The following TMTC1 variants were observed in gnomAD, a reference collection of about 807,000 sequenced individuals.
TMTC1 encodes transmembrane O-mannosyltransferase targeting cadherins 1, also known as protein O-mannosyl-transferase TMTC1.
A neutral mutation model predicts 104.8 loss-of-function variants in TMTC1; 73 were observed. The ratio of observed to expected loss-of-function variants is 0.70; its 90% CI spans 0.58 to 0.85. The LOEUF (loss-of-function observed/expected upper bound fraction) is 0.85. TMTC1 is among the 40% of genes least tolerant of loss of function. The probability of loss-of-function intolerance (pLI) is 0.00; values close to 1 mark genes in which losing one functional copy is unlikely to be tolerated. For synonymous variants in TMTC1, 434 were observed against 428.7 expected (o/e 1.01, Z -0.15); for missense variants, 1,035 against 1,096.1 (o/e 0.94, Z 0.79).
chr12:29,709,954 G>C (rs1941853954), intron 5 of TMTC1, among the ~76,000 whole-genome samples: 1 of 152,086 alleles, frequency 6.6e-6, no homozygotes, highest in East Asian at 1.9e-4. Flanking sequence ...TCATTTGAGA[G>C]AAAATAAAGC....
chr12:29,720,862 A>C (rs1194698591), intron 5 of TMTC1, among the ~76,000 whole-genome samples: 4 of 152,192 alleles, frequency 2.6e-5, no homozygotes, highest in Admixed American at 2.6e-4. Flanking sequence ...AACTACCAAC[A>C]TGAAAATGCA....
chr12:29,587,591 C>T (rs771559925), intron 7 of TMTC1, among the ~76,000 whole-genome samples: 7 of 152,036 alleles, frequency 4.6e-5, no homozygotes, highest in Admixed American at 2.0e-4. Flanking sequence ...CTTGGCCTCC[C>T]GAAGTACTGG....
intron 5 of TMTC1, among the ~76,000 whole-genome samples, chr12:29,645,461 G>C (rs906681238): frequency 6.6e-6 from 1 of 152,138 alleles, no homozygotes; most frequent in Non-Finnish European, 1.5e-5. Context: ...AAGTGAATCT[G>C]AAATGTCATT....
At chr12:29,669,523 G>A (rs1940422776) in intron 5 of TMTC1, among the ~76,000 whole-genome samples, 1 of 152,194 alleles carries the variant, frequency 6.6e-6, no homozygotes, top group African/African-American at 2.4e-5. Context: ...GTGAACACCA[G>A]GAAGTAGACA....
chr12:29,742,797 G>C (rs1942860823), intron 5 of TMTC1, among the ~76,000 whole-genome samples: 1 of 152,114 alleles, frequency 6.6e-6, no homozygotes, highest in South Asian at 2.1e-4. Flanking sequence ...AACTTTGATG[G>C]ACTGGCCATC....
chr12:29,695,164 C>A (rs1591937537), intron 5 of TMTC1, among the ~76,000 whole-genome samples: 1 of 152,144 alleles, frequency 6.6e-6, no homozygotes, highest in African/African-American at 2.4e-5. Context: ...TCTCCTCTGT[C>A]TTGCTCTCCT....
At chr12:29,676,531 T>C (rs1429990799) in intron 5 of TMTC1, among the ~76,000 whole-genome samples, 1 of 152,156 alleles carries the variant, frequency 6.6e-6, no homozygotes, top group Non-Finnish European at 1.5e-5. Flanking sequence ...TTTTGATACA[T>C]CCTTTGCTCA....
chr12:29,689,545 C>G (rs2136750036), intron 5 of TMTC1, among the ~76,000 whole-genome samples: 1 of 152,288 alleles, frequency 6.6e-6, no homozygotes, highest in South Asian at 2.1e-4. Context: ...GAACTCCCGA[C>G]CTCGTGATCT....
intron 5 of TMTC1, among the ~76,000 whole-genome samples, chr12:29,728,817 T>G (rs913267450): frequency 2.2e-4 from 33 of 147,356 alleles, no homozygotes; most frequent in Non-Finnish European, 4.3e-4. Flanking sequence ...GCCAACATAA[T>G]GAAACCGCCG....
At chr12:29,645,119 G>C (rs1240321549) in intron 5 of TMTC1, among the ~76,000 whole-genome samples, 1 of 152,098 alleles carries the variant, frequency 6.6e-6, no homozygotes, top group African/African-American at 2.4e-5. Flanking sequence ...GGATTCTATG[G>C]GTTTTAAGAA....
At chr12:29,574,754 C>G (rs749425364) in intron 8 of TMTC1, among the ~76,000 whole-genome samples, 1 of 152,160 alleles carries the variant, frequency 6.6e-6, no homozygotes, top group Non-Finnish European at 1.5e-5. Flanking sequence ...CCCTTGTGAC[C>G]ACATTTAACC....
intron 5 of TMTC1, among the ~76,000 whole-genome samples, chr12:29,656,337 T>TAC (rs1565744394): frequency 6.7e-6 from 1 of 149,458 alleles, no homozygotes; most frequent in Non-Finnish European, 1.5e-5. Context: ...TATATATATA[T>TAC]ATACACACAT....
chr12:29,545,716 A>T (rs1944926697), intron 10 of TMTC1, among the ~76,000 whole-genome samples: 1 of 150,622 alleles, frequency 6.6e-6, no homozygotes, highest in African/African-American at 2.5e-5. Context: ...AATTTCCCCG[A>T]GCTGTTCAAC....
chr12:29,516,525 A>G (rs1220889982), intron 14 of TMTC1, 39 bp from the exon 15 acceptor site: 8 of 1,577,602 alleles, frequency 5.1e-6, no homozygotes, highest in Non-Finnish European at 6.9e-6. Flanking sequence ...CAGAGACTTC[A>G]TTACCTTATC....
chr12:29,654,232 T>G (rs999889313), intron 5 of TMTC1, among the ~76,000 whole-genome samples: 1 of 152,056 alleles, frequency 6.6e-6, no homozygotes. Context: ...TTAAGAAAAA[T>G]GTTACAACTT....
chr12:29,643,472 A>C (rs1591846676), intron 5 of TMTC1, among the ~76,000 whole-genome samples: 1 of 117,880 alleles, frequency 8.5e-6, no homozygotes, highest in African/African-American at 3.3e-5. Context: ...GAATATATAT[A>C]TGATGGAATA....
In TMTC1 at chr12:29,506,991, G is replaced by C; in HGVS notation, c.2509-5C>G. 6.2e-7 allele frequency: 1 copy of C among 1,612,422 alleles called. No individual in the cohort carries two copies. The highest frequency in any genetic ancestry group is 8.5e-7 in the Non-Finnish European group (1 of 1,178,546). On this transcript the variant is annotated splice_region_variant and splice_polypyrimidine_tract_variant and intron_variant, in intron 17 of 17. Transcript: ENST00000539277. ...TCTTGCAGACACATATTTTCCCTGG[G>C]GGTGGGAAAGAGGGAGCAATTACAT...
At chr12:29,584,418 ACTT>A (rs1038863901) in intron 7 of TMTC1, among the ~76,000 whole-genome samples, 11 of 151,176 alleles carry the variant, frequency 7.3e-5, no homozygotes, top group Non-Finnish European at 1.2e-4. Flanking sequence ...ATTTTTTCTT[ACTT>A]CTTCTTTTAT....
intron 5 of TMTC1, among the ~76,000 whole-genome samples, chr12:29,715,708 A>C (rs1013419812): frequency 2.0e-4 from 31 of 152,312 alleles, no homozygotes; most frequent in Non-Finnish European, 4.3e-4. Context: ...TAATTGACTC[A>C]GAGTTCCACA....
Sources: gnomAD v4.1 joint callset for allele counts (sites outside exome capture counted in the v4.1 genomes callset) on GRCh38, gnomAD v4.1.1 for gene constraint, MANE v1.5 for transcripts, NCBI Gene and HGNC (gene_info 2026-07-23, HGNC 2026-07-21) for gene names.